Variants in RARS2 observed in about 807,000 individuals in gnomAD.
RARS2 encodes the protein probable arginine--tRNA ligase, mitochondrial.
A neutral mutation model predicts 88.5 loss-of-function variants in RARS2; 67 were observed. That is an observed-to-expected ratio of 0.76 (90% CI 0.62 to 0.93). The LOEUF is 0.93. Among genes scored for constraint, RARS2 ranks in the 40% least tolerant of loss-of-function variants. The pLI is 0.00. For synonymous variants in RARS2, 239 were observed against 230.3 expected, an observed-to-expected ratio of 1.04 and a Z score of -0.34; for missense variants, 664 against 684.2, an observed-to-expected ratio of 0.97 and a Z score of 0.33.
At chr6:87,540,108 G>A (rs9450732) in intron 8 of RARS2, among the ~76,000 whole-genome samples, 92,501 of 151,832 alleles carry the variant, frequency 0.61, 28,977 homozygotes, top group African/African-American at 0.75. Flanking sequence ...AGAGTGCAGT[G>A]TTGGCATGGA....
At chr6:87,529,770 C>A in intron 9 of RARS2, 122 bp from the exon 10 acceptor site, 1 of 724,288 alleles carries the variant, frequency 1.4e-6, no homozygotes, top group Non-Finnish European at 2.5e-6. Context: ...AAAATTAAAT[C>A]AAGGGCTGAG....
chr6:87,532,889 G>A (rs1413247862), intron 8 of RARS2, among the ~76,000 whole-genome samples: 1 of 152,038 alleles, frequency 6.6e-6, no homozygotes, highest in African/African-American at 2.4e-5. Flanking sequence ...AAACAAAAAG[G>A]GTCCCCATAA....
chr6:87,529,578 T>C lies in RARS2; in HGVS notation c.842A>G (p.Lys281Arg). 1 of 1,606,714 alleles carries C rather than the reference T, an allele frequency of 6.2e-7. No homozygotes were observed. The highest frequency in any genetic ancestry group is 2.2e-5 in the East Asian group (1 of 44,822). The change falls in exon 10 of 20, where the codon AAG becomes AGG. Residue 281 changes from lysine to arginine, a missense_variant. Transcript: ENST00000369536. ...FYREKSQEVL[K>R]LLESKGLLLK... ...TAGGAGTCCTTTACTCTCCAGCAACTTTAAGACCTCTTGAGATTTTTCACG... is the reference window on the plus strand; with the variant it reads ...TAGGAGTCCTTTACTCTCCAGCAACCTTAAGACCTCTTGAGATTTTTCACG...
At chr6:87,529,159 T>A (rs1292033188) in intron 10 of RARS2, among the ~76,000 whole-genome samples, 1 of 152,222 alleles carries the variant, frequency 6.6e-6, no homozygotes, top group Non-Finnish European at 1.5e-5. Flanking sequence ...AGTATACTTA[T>A]CTTCACACAC....
rs563618761 is a variant in RARS2, at chr6:87,543,302, C to CAAAACA, written c.536-1314_536-1309dup. Among the ~76,000 whole-genome samples the CAAAACA allele has an allele frequency of 3.0e-3, 441 of 147,350 alleles. 3 individuals are homozygous for CAAAACA. The highest frequency in any genetic ancestry group is 0.011 in the South Asian group (53 of 4,740). Reference sequence around the variant, plus strand: ...TGGGCAACAAGAGCAAACTCTGTCTCAAAACAAAAACAAAAACAAAAACAA... The same window carrying CAAAACA: ...TGGGCAACAAGAGCAAACTCTGTCTCAAAACAAAAACAAAAACAAAAACAAAAACAA... On this transcript the variant is annotated intron_variant, in intron 7 of 19. Coordinates refer to ENST00000369536, the MANE Select transcript of RARS2 (RefSeq NM_020320.5).
intron 1 of RARS2, among the ~76,000 whole-genome samples, chr6:87,573,990 A>T (rs1482161162): frequency 6.6e-6 from 1 of 152,268 alleles, no homozygotes; most frequent in Non-Finnish European, 1.5e-5. Context: ...GAGATGAATT[A>T]ACAATTCTCA....
At chr6:87,544,086 T>C (rs1781864391) in intron 7 of RARS2, among the ~76,000 whole-genome samples, 1 of 152,212 alleles carries the variant, frequency 6.6e-6, no homozygotes, top group Non-Finnish European at 1.5e-5. Context: ...AGCAGTCCTT[T>C]AGAGAAAAAA....
At chr6:87,521,668 T>C (rs1773899402) in intron 11 of RARS2, 144 bp from the exon 12 acceptor site, 3 of 617,378 alleles carry the variant, frequency 4.9e-6, no homozygotes. Flanking sequence ...ACTTAGATAA[T>C]CCGAATATCA....
intron 1 of RARS2, among the ~76,000 whole-genome samples, chr6:87,571,548 T>C (rs1319198070): frequency 6.6e-6 from 1 of 152,070 alleles, no homozygotes; most frequent in Non-Finnish European, 1.5e-5. Context: ...CCAATACTCA[T>C]ATAGCCTCTG....
intron 3 of RARS2, among the ~76,000 whole-genome samples, chr6:87,563,716 T>A (rs898173500): frequency 2.0e-5 from 3 of 152,242 alleles, no homozygotes; most frequent in Non-Finnish European, 2.9e-5. Flanking sequence ...CCACCTCTTC[T>A]CTGTAATCAT....
chr6:87,564,083 T>C (rs1788658587), intron 3 of RARS2, 47 bp downstream of exon 3: 1 of 1,448,118 alleles, frequency 6.9e-7, no homozygotes, highest in African/African-American at 1.4e-5. Flanking sequence ...CTTTTTTTAA[T>C]AACAAGTTTA....
At chr6:87,527,095 G>A (rs935607375) in intron 10 of RARS2, among the ~76,000 whole-genome samples, 2 of 151,944 alleles carry the variant, frequency 1.3e-5, no homozygotes, top group African/African-American at 2.4e-5. Context: ...TAGATCAGGA[G>A]GTCAGGAGAT....
At position 87,533,273 on chromosome 6, in the gene RARS2, CA is replaced by C. The variant is rs1483846503; in HGVS notation, c.613-2332del. 2.8e-5 allele frequency among the ~76,000 whole-genome samples: 3 copies of C among 106,448 alleles called. No individual in the cohort carries two copies. In the Admixed American group the frequency reaches 3.2e-4, roughly 11 times the overall value. The allele number at this position is 106,448 out of a possible 152,430, so 69.8% of individuals were successfully genotyped here. A position where few individuals can be genotyped will look rare whatever the true frequency, so the allele number is the denominator to read the frequency against. ...TCTTAAAAAATAGAAATAATTAAAA[CA>C]AAAAGCCCTTAAAACGTGAATATTC... On this transcript the variant is annotated intron_variant, in intron 8 of 19. Transcript: ENST00000369536.
chr6:87,524,699 C>T (rs193210513), intron 10 of RARS2, 47 bp from the exon 11 acceptor site: 1 of 1,380,056 alleles, frequency 7.2e-7, no homozygotes, highest in Non-Finnish European at 1.0e-6. Context: ...TAAATTCAGA[C>T]CTTTAAAATT....
chr6:87,519,208 G>GTGTGTGTGTGTATATATATATATATATA (rs1210109506), intron 14 of RARS2: 3 of 256,298 alleles, frequency 1.2e-5, no homozygotes, highest in Admixed American at 5.2e-5. Context: ...GTGTGTGTGT[G>GTGTGTGTGTGTATATATATATATATATA]TATATATATA....
At chr6:87,538,030 T>G (rs2128095426) in intron 8 of RARS2, among the ~76,000 whole-genome samples, 1 of 152,288 alleles carries the variant, frequency 6.6e-6, no homozygotes, top group East Asian at 1.9e-4. Flanking sequence ...TGCTTAAAGC[T>G]CAAAAAAATT....
intron 8 of RARS2, among the ~76,000 whole-genome samples, chr6:87,532,010 C>T (rs917899350): frequency 6.6e-5 from 10 of 151,910 alleles, no homozygotes; most frequent in East Asian, 3.9e-4. Context: ...TCAAAACATC[C>T]GGACAGCAGT....
intron 1 of RARS2, among the ~76,000 whole-genome samples, chr6:87,588,915 C>T (rs1411195422): frequency 6.6e-6 from 1 of 152,178 alleles, no homozygotes; most frequent in African/African-American, 2.4e-5. Flanking sequence ...TGGTGTTCTT[C>T]CTTATCCCAG....
At chr6:87,550,508 G>C (rs1475297306) in intron 5 of RARS2, among the ~76,000 whole-genome samples, 5 of 151,410 alleles carry the variant, frequency 3.3e-5, no homozygotes, top group African/African-American at 4.9e-5. Flanking sequence ...CAGAATAAAA[G>C]AAAATAATAC....
Sources: gnomAD v4.1 joint callset for allele counts (sites outside exome capture counted in the v4.1 genomes callset) on GRCh38, gnomAD v4.1.1 for gene constraint, MANE v1.5 for transcripts, NCBI Gene and HGNC (gene_info 2026-07-23, HGNC 2026-07-21) for gene names.